Variants in ALDH8A1 observed in about 807,000 individuals in gnomAD.
ALDH8A1 encodes 2-aminomuconic semialdehyde dehydrogenase.
A neutral mutation model predicts 43.3 loss-of-function variants in ALDH8A1; 39 were observed. The ratio of observed to expected loss-of-function variants is 0.90; its 90% CI spans 0.70 to 1.18. The LOEUF (loss-of-function observed/expected upper bound fraction) is 1.18. Ranked by LOEUF, ALDH8A1 falls within the 50% of genes most tolerant of loss-of-function variation. The pLI, the probability that ALDH8A1 is intolerant of heterozygous loss-of-function variation, is 0.00. For synonymous variants in ALDH8A1, 233 were observed against 243.5 expected (o/e 0.96, Z 0.40); for missense variants, 605 against 622.6 (o/e 0.97, Z 0.30).
chr6:134,926,309 C>T (rs1056894120), intron 6 of ALDH8A1, among the ~76,000 whole-genome samples: 3 of 150,256 alleles, frequency 2.0e-5, no homozygotes, highest in African/African-American at 7.3e-5. Flanking sequence ...AAGCAATTCT[C>T]CTGCCTCTGC....
chr6:134,925,899 C>T (rs550206892), intron 6 of ALDH8A1, among the ~76,000 whole-genome samples: 1 of 152,226 alleles, frequency 6.6e-6, no homozygotes, highest in South Asian at 2.1e-4. Context: ...GCATTCCAGG[C>T]AGCGTGAGCA....
intron 5 of ALDH8A1, among the ~76,000 whole-genome samples, chr6:134,930,627 A>G (rs1776969151): frequency 2.6e-5 from 4 of 152,224 alleles, no homozygotes; most frequent in Admixed American, 2.6e-4. Context: ...TTTTGCAACC[A>G]GGATCGCTGT....
chr6:134,934,439 A>G (rs1773693515), intron 4 of ALDH8A1, among the ~76,000 whole-genome samples: 1 of 152,192 alleles, frequency 6.6e-6, no homozygotes, highest in Non-Finnish European at 1.5e-5. Context: ...GTGACAGCTC[A>G]CCAGTCTCAC....
chr6:134,933,867 C>A (rs1773675756), intron 4 of ALDH8A1, among the ~76,000 whole-genome samples: 1 of 152,084 alleles, frequency 6.6e-6, no homozygotes, highest in African/African-American at 2.4e-5. Flanking sequence ...CACCATTACA[C>A]CTGGCTAAAT....
At chr6:134,941,374 GT>G (rs1158369949) in intron 3 of ALDH8A1, 1 of 149,908 alleles carries the variant, frequency 6.7e-6, no homozygotes, top group Non-Finnish European at 1.5e-5. Context: ...GCCCGGCTGG[GT>G]TTTTTTGTTT....
At position 134,929,160 on chromosome 6, in the gene ALDH8A1, T is replaced by C; in HGVS notation, c.905A>G (p.Glu302Gly). Residue 302 changes from glutamate (E) to glycine (G), a missense_variant, in exon 6 of 7, where the codon GAA (glutamate) becomes GGA (glycine). By Grantham distance (98) the Glu-to-Gly change is moderately conservative (BLOSUM62 -2). Coordinates refer to ENST00000265605, the MANE Select transcript of ALDH8A1 (RefSeq NM_022568.4). ...RIFVQKSIYS[E>G]FLKRFVEATR... ...AGCTTCTACAAATCTCTTTAAAAAT[T>C]CACTATAGATGCTCTTCTGGACAAA... The C allele has an allele frequency of 6.2e-7, 1 of 1,614,122 alleles. No homozygotes were observed.
intron 6 of ALDH8A1, among the ~76,000 whole-genome samples, chr6:134,922,081 G>A (rs184020041): frequency 6.6e-6 from 1 of 152,308 alleles, no homozygotes; most frequent in Non-Finnish European, 1.5e-5. Flanking sequence ...GGAGCAGTGA[G>A]GATGGCAGAT....
At chr6:134,948,371 A>G (rs1050956962) in intron 1 of ALDH8A1, among the ~76,000 whole-genome samples, 2 of 152,214 alleles carry the variant, frequency 1.3e-5, no homozygotes, top group Admixed American at 6.5e-5. Flanking sequence ...AGTTAGAAGA[A>G]AAGATTTGGA....
chr6:134,936,824 G>T (rs1303948769), intron 4 of ALDH8A1, among the ~76,000 whole-genome samples: 3 of 152,156 alleles, frequency 2.0e-5, no homozygotes, highest in Non-Finnish European at 4.4e-5. Context: ...TGAGATGTCT[G>T]CCCTCTAACC....
At chr6:134,921,111 GTGA>G (rs1386551519) in intron 6 of ALDH8A1, among the ~76,000 whole-genome samples, 1 of 152,146 alleles carries the variant, frequency 6.6e-6, no homozygotes, top group Non-Finnish European at 1.5e-5. Context: ...GATGATGTTG[GTGA>G]TGATGATGAA....
chr6:134,924,653 A>G (rs1198368533), intron 6 of ALDH8A1, among the ~76,000 whole-genome samples: 1 of 152,130 alleles, frequency 6.6e-6, no homozygotes, highest in African/African-American at 2.4e-5. Flanking sequence ...GTCCTTCTCT[A>G]TGTTGTTATT....
intron 5 of ALDH8A1, 71 bp downstream of exon 5, chr6:134,932,705 T>C: frequency 6.4e-7 from 1 of 1,567,996 alleles, no homozygotes; most frequent in East Asian, 2.2e-5. Context: ...TCCCAGGCAT[T>C]GCACTGTGAT....
At chr6:134,928,736 C>T (rs879585135) in intron 6 of ALDH8A1, among the ~76,000 whole-genome samples, 4 of 152,216 alleles carry the variant, frequency 2.6e-5, no homozygotes, top group Admixed American at 2.6e-4. Context: ...CTGTGGAAAT[C>T]ACTGGCATTC....
At chr6:134,927,505 A>G (rs992714503) in intron 6 of ALDH8A1, among the ~76,000 whole-genome samples, 1 of 152,190 alleles carries the variant, frequency 6.6e-6, no homozygotes, top group African/African-American at 2.4e-5. Flanking sequence ...TCTTACACAC[A>G]CACGCGTGCA....
chr6:134,920,542 C>T (rs997625094), intron 6 of ALDH8A1, among the ~76,000 whole-genome samples: 3 of 152,058 alleles, frequency 2.0e-5, no homozygotes, highest in Non-Finnish European at 2.9e-5. Flanking sequence ...ACCATTATGT[C>T]GAATGTGATC....
At chr6:134,936,917 C>T (rs561990364) in intron 4 of ALDH8A1, among the ~76,000 whole-genome samples, 5 of 152,244 alleles carry the variant, frequency 3.3e-5, no homozygotes, top group African/African-American at 9.6e-5. Context: ...AGGTGGCTAA[C>T]AGACAAGTTA....
At position 134,943,700 on chromosome 6, in the gene ALDH8A1, C is replaced by T; in HGVS notation, c.286+119G>A. 3 of 1,458,370 alleles carry T rather than the reference C, an allele frequency of 2.1e-6. No individual in the cohort carries two copies. The East Asian group carries it at 7.0e-5, about 34-fold the overall frequency. 90.3% of individuals were successfully genotyped at this position (1,458,370 alleles called of 1,614,324 possible). ...CCTGGAGCAGGGGAGGGTTTGCTCT[C>T]CACTTCTACTATTGCCAGAGGAGCA... On this transcript the variant is annotated intron_variant, in intron 2 of 6. Transcript: ENST00000265605.
At chr6:134,924,493 A>T (rs1776854443) in intron 6 of ALDH8A1, among the ~76,000 whole-genome samples, 1 of 152,224 alleles carries the variant, frequency 6.6e-6, no homozygotes, top group South Asian at 2.1e-4. Flanking sequence ...TCAAAACAAC[A>T]TTCTGTCACC....
At chr6:134,922,873 G>T (rs1223125129) in intron 6 of ALDH8A1, among the ~76,000 whole-genome samples, 1 of 152,128 alleles carries the variant, frequency 6.6e-6, no homozygotes, top group Non-Finnish European at 1.5e-5. Flanking sequence ...AAAGTCTTCA[G>T]TTGAGTTGAT....
Sources: allele counts gnomAD v4.1 joint callset (sites outside exome capture counted in the v4.1 genomes callset), GRCh38; gene constraint gnomAD v4.1.1; transcripts MANE v1.5; gene names NCBI Gene and HGNC (gene_info 2026-07-23, HGNC 2026-07-21).